Variants in SLC30A8 observed in about 807,000 individuals in gnomAD.
SLC30A8 encodes proton-coupled zinc antiporter SLC30A8.
In SLC30A8, 27 loss-of-function variants were observed where a neutral mutation model predicts 36.9. That is an observed-to-expected ratio of 0.73 (90% CI 0.54 to 1.01). SLC30A8 has a LOEUF of 1.01. Ranked by LOEUF, SLC30A8 falls within the 50% of genes least tolerant of loss-of-function variation. The pLI, the probability that SLC30A8 is intolerant of heterozygous loss-of-function variation, is 0.00. For missense variants in SLC30A8, 439 were observed against 452.0 expected (o/e 0.97, Z 0.26); for synonymous variants, 164 against 172.4 (o/e 0.95, Z 0.38).
intron 2 of SLC30A8, among the ~76,000 whole-genome samples, chr8:117,066,288 A>C (rs1296578580): frequency 6.6e-6 from 1 of 152,158 alleles, no homozygotes; most frequent in Non-Finnish European, 1.5e-5. Flanking sequence ...TGTTCAGTCC[A>C]AGGAGGCTCT....
intron 2 of SLC30A8, among the ~76,000 whole-genome samples, chr8:117,127,324 C>T (rs1820948129): frequency 6.6e-6 from 1 of 151,968 alleles, no homozygotes; most frequent in Non-Finnish European, 1.5e-5. Context: ...GTAATCTTCC[C>T]ATTTCCTCTT....
At chr8:117,085,752 G>T (rs1818853352) in intron 2 of SLC30A8, among the ~76,000 whole-genome samples, 1 of 152,176 alleles carries the variant, frequency 6.6e-6, no homozygotes, top group African/African-American at 2.4e-5. Flanking sequence ...TAGATCTGGA[G>T]AATTTAATTA....
intron 2 of SLC30A8, among the ~76,000 whole-genome samples, chr8:117,084,371 A>C (rs11989800): frequency 0.32 from 49,075 of 152,020 alleles, 8,672 homozygotes; most frequent in African/African-American, 0.48. Context: ...TGTTCCTGAG[A>C]AGTACATGTG....
intron 1 of SLC30A8, among the ~76,000 whole-genome samples, chr8:117,143,745 C>T (rs1268236345): frequency 6.6e-6 from 1 of 151,608 alleles, no homozygotes; most frequent in Non-Finnish European, 1.5e-5. Flanking sequence ...TTATGAAGCC[C>T]ACTTTTGGAT....
In SLC30A8 at chr8:117,054,098, C is replaced by CTTTTTTTTTT. The variant is rs4060800; in HGVS notation, c.-226+14849_-226+14858dup. On this transcript the variant is annotated intron_variant, in intron 2 of 10. Coordinates refer to the SLC30A8 transcript ENST00000427715. ...CATACACTAAATGTACTGCAAAAAT[C>CTTTTTTTTTT]TTTTTTTTTTTTTTTTTTGAGACAG... Among the ~76,000 whole-genome samples the CTTTTTTTTTT allele has an allele frequency of 9.1e-4, 113 of 124,144 alleles. 6 individuals are homozygous for CTTTTTTTTTT. The highest frequency in any genetic ancestry group is 1.9e-3 in the African/African-American group (61 of 32,088). 81.4% of individuals were successfully genotyped at this position (124,144 alleles called of 152,430 possible).
chr8:117,034,867 G>A (rs1324322873), intron 1 of SLC30A8, among the ~76,000 whole-genome samples: 1 of 152,170 alleles, frequency 6.6e-6, no homozygotes, highest in African/African-American at 2.4e-5. Context: ...GTGAGAGACA[G>A]AGAAAGAAAC....
chr8:117,019,137 C>T (rs554343695), intron 1 of SLC30A8, among the ~76,000 whole-genome samples: 140 of 152,264 alleles, frequency 9.2e-4, no homozygotes, highest in African/African-American at 3.2e-3. Context: ...TTGAGATTAT[C>T]ACAACAATCC....
chr8:117,074,772 C>G (rs542845825), intron 2 of SLC30A8, among the ~76,000 whole-genome samples: 7 of 152,144 alleles, frequency 4.6e-5, no homozygotes, highest in Admixed American at 2.0e-4. Context: ...AAACAGAAAT[C>G]TAGTAATACC....
chr8:117,146,669 C>A, intron 1 of SLC30A8: 1 of 379,560 alleles, frequency 2.6e-6, no homozygotes, highest in Non-Finnish European at 4.4e-6. Flanking sequence ...CAAAATGTAT[C>A]TGCTTCTTTT....
At chr8:117,020,874 A>G (rs1816675651) in intron 1 of SLC30A8, among the ~76,000 whole-genome samples, 1 of 152,208 alleles carries the variant, frequency 6.6e-6, no homozygotes, top group South Asian at 2.1e-4. Context: ...AACCTAAAGA[A>G]AAGAGTGGAA....
intron 1 of SLC30A8, among the ~76,000 whole-genome samples, chr8:116,990,854 T>C (rs1364551477): frequency 6.6e-6 from 1 of 152,178 alleles, no homozygotes; most frequent in Non-Finnish European, 1.5e-5. Flanking sequence ...TTCTAAAATT[T>C]AAAGTTTATC....
chr8:117,073,610 G>T (rs1818399556), intron 2 of SLC30A8, among the ~76,000 whole-genome samples: 1 of 152,090 alleles, frequency 6.6e-6, no homozygotes. Flanking sequence ...CTTAAAATAG[G>T]CCACTATTCT....
intron 2 of SLC30A8, among the ~76,000 whole-genome samples, chr8:117,042,830 C>T (rs903669453): frequency 6.6e-6 from 1 of 152,172 alleles, no homozygotes; most frequent in Admixed American, 6.5e-5. Flanking sequence ...CATGTGCCAC[C>T]ACAACCGGCT....
chr8:116,965,502 C>G (rs545638187), intron 1 of SLC30A8, among the ~76,000 whole-genome samples: 5 of 152,322 alleles, frequency 3.3e-5, no homozygotes, highest in African/African-American at 4.8e-5. Context: ...TGCCCACTAG[C>G]TAGGTGTCTG....
intron 1 of SLC30A8, among the ~76,000 whole-genome samples, chr8:117,029,665 C>T (rs1206029194): frequency 1.3e-5 from 2 of 152,164 alleles, no homozygotes; most frequent in Admixed American, 1.3e-4. Context: ...CTCACACAAA[C>T]AGCTAATGTA....
At chr8:117,015,234 G>T (rs993093512) in intron 1 of SLC30A8, among the ~76,000 whole-genome samples, 1 of 152,006 alleles carries the variant, frequency 6.6e-6, no homozygotes, top group Non-Finnish European at 1.5e-5. Context: ...ACCACATAGA[G>T]ATTTAGGACA....
chr8:117,038,924 CTTG>C (rs1817299379), intron 1 of SLC30A8, among the ~76,000 whole-genome samples: 1 of 152,164 alleles, frequency 6.6e-6, no homozygotes, highest in Non-Finnish European at 1.5e-5. Flanking sequence ...TGAATCATTT[CTTG>C]TTGTTAGATG....
At chr8:117,137,579 A>G (rs1455343506) in intron 1 of SLC30A8, among the ~76,000 whole-genome samples, 1 of 151,942 alleles carries the variant, frequency 6.6e-6, no homozygotes, top group Non-Finnish European at 1.5e-5. Flanking sequence ...TATCTGGGCT[A>G]GGCTAGAAGG....
At chr8:117,071,823 G>T (rs1275011905) in intron 2 of SLC30A8, among the ~76,000 whole-genome samples, 6 of 151,810 alleles carry the variant, frequency 4.0e-5, no homozygotes, top group Non-Finnish European at 7.4e-5. Context: ...CTGTATACTA[G>T]ATTTACCATT....
Sources: allele counts gnomAD v4.1 joint callset (sites outside exome capture counted in the v4.1 genomes callset), GRCh38; gene constraint gnomAD v4.1.1; transcripts MANE v1.5; gene names NCBI Gene and HGNC (gene_info 2026-07-23, HGNC 2026-07-21).